LRFN5: variants seen among roughly 807,000 people sequenced by gnomAD.
The protein encoded by LRFN5 is leucine rich repeat and fibronectin type III domain containing 5, also known as leucine-rich repeat and fibronectin type-III domain-containing protein 5.
LRFN5 carries 24 observed loss-of-function variants against 45.6 expected under a neutral mutation model. That is an observed-to-expected ratio of 0.53 (90% CI 0.38 to 0.74). The LOEUF is 0.74. LRFN5 is among the 30% of genes least tolerant of loss of function. The pLI, the probability that LRFN5 is intolerant of heterozygous loss-of-function variation, is 0.00. For missense variants in LRFN5, 776 were observed against 861.5 expected, an observed-to-expected ratio of 0.90 and a Z score of 1.24; for synonymous variants, 340 against 313.8, an observed-to-expected ratio of 1.08 and a Z score of -0.88.
chr14:41,635,940 G>T (rs2138587688), intron 1 of LRFN5, among the ~76,000 whole-genome samples: 1 of 152,234 alleles, frequency 6.6e-6, no homozygotes, highest in African/African-American at 2.4e-5. Context: ...TGGTATCCCA[G>T]CAGAGCAGTC....
rs148679546 is a variant in LRFN5, at chr14:41,891,723, A to G, written c.1859A>G (p.Gln620Arg). 4 of 1,614,086 alleles carry G rather than the reference A, an allele frequency of 2.5e-6. No homozygotes were observed. The highest frequency in any genetic ancestry group is 2.7e-5 in the African/African-American group (2 of 74,934). ...VIQSSETCSS[Q>R]DSSTTTSALP... ...CAATCTTCAGAAACTTGTTCGAGTC[A>G]GGACTCCTCTACCACTACCTCTGCT... Residue 620 changes from glutamine (Q) to arginine (R), a missense_variant, in exon 4 of 6, where the codon CAG becomes CGG. Coordinates refer to ENST00000298119, the MANE Select transcript of LRFN5 (RefSeq NM_152447.5).
At chr14:41,755,519 A>G (rs1369146238) in intron 1 of LRFN5, among the ~76,000 whole-genome samples, 5 of 152,092 alleles carry the variant, frequency 3.3e-5, no homozygotes, top group Non-Finnish European at 5.9e-5. Flanking sequence ...CCATTATGTA[A>G]TGGCCTTCTT....
intron 2 of LRFN5, among the ~76,000 whole-genome samples, chr14:41,848,008 T>G (rs1358861867): frequency 6.6e-6 from 1 of 152,182 alleles, no homozygotes; most frequent in Non-Finnish European, 1.5e-5. Flanking sequence ...TTATTCAGTT[T>G]ACTTTCACTT....
chr14:41,844,030 A>G (rs1196052473), intron 2 of LRFN5, among the ~76,000 whole-genome samples: 1 of 152,250 alleles, frequency 6.6e-6, no homozygotes, highest in Non-Finnish European at 1.5e-5. Context: ...ATACTTCATA[A>G]CAGAGGAAAA....
intron 2 of LRFN5, among the ~76,000 whole-genome samples, chr14:41,795,831 C>A (rs949284605): frequency 2.6e-5 from 4 of 151,706 alleles, no homozygotes; most frequent in Non-Finnish European, 5.9e-5. Flanking sequence ...ATGTAAATGA[C>A]GAGTTAATGG....
At chr14:41,826,383 T>C (rs1888296222) in intron 2 of LRFN5, among the ~76,000 whole-genome samples, 1 of 152,230 alleles carries the variant, frequency 6.6e-6, no homozygotes, top group African/African-American at 2.4e-5. Context: ...TTTCTTATAT[T>C]TCATCCTTTC....
At chr14:41,845,835 G>A (rs1263201991) in intron 2 of LRFN5, among the ~76,000 whole-genome samples, 1 of 152,154 alleles carries the variant, frequency 6.6e-6, no homozygotes, top group Non-Finnish European at 1.5e-5. Context: ...AAAGCATTTA[G>A]TGCCTATTAT....
chr14:41,887,486 T>G lies in LRFN5; in HGVS notation c.861T>G (p.Pro287=). The change falls in exon 3 of 6, where the codon CCT becomes CCG. Residue 287 remains proline (P), a synonymous_variant. Coordinates refer to ENST00000298119, the MANE Select transcript of LRFN5 (RefSeq NM_152447.5). The surrounding 1 kb of genome is among the most constrained non-coding windows in gnomAD (Gnocchi z 4.8). ...IPEEEFLCEP[P]LITRHTHEMR... Reference sequence around the variant, plus strand: ...AAGAAGAGTTTTTGTGTGAGCCTCCTCTCATTACTCGTCATACACATGAGA... The same window carrying G: ...AAGAAGAGTTTTTGTGTGAGCCTCCGCTCATTACTCGTCATACACATGAGA... 1 of 1,614,152 alleles carries G rather than the reference T, an allele frequency of 6.2e-7. No homozygotes were observed. The highest frequency in any genetic ancestry group is 8.5e-7 in the Non-Finnish European group (1 of 1,180,026).
chr14:41,821,850 T>A (rs567904095), intron 2 of LRFN5, among the ~76,000 whole-genome samples: 1 of 151,742 alleles, frequency 6.6e-6, no homozygotes, highest in South Asian at 2.1e-4. Flanking sequence ...TCATTATTTG[T>A]CTACTCAAGT....
intron 1 of LRFN5, among the ~76,000 whole-genome samples, chr14:41,660,690 T>A (rs1256535822): frequency 6.6e-6 from 1 of 151,954 alleles, no homozygotes; most frequent in Admixed American, 6.6e-5. Context: ...AAGATACTGA[T>A]TGTTGGCCGA....
intron 2 of LRFN5, among the ~76,000 whole-genome samples, chr14:41,817,363 T>A (rs553247805): frequency 1.3e-5 from 2 of 152,110 alleles, no homozygotes; most frequent in Non-Finnish European, 2.9e-5. Flanking sequence ...CTGGACATGA[T>A]GTGCTAGGTA....
chr14:41,681,885 C>A (rs942394282), intron 1 of LRFN5, among the ~76,000 whole-genome samples: 1 of 150,252 alleles, frequency 6.7e-6, no homozygotes, highest in Non-Finnish European at 1.5e-5. Context: ...GTGGCCCGAT[C>A]TCTGCTCTCT....
intron 1 of LRFN5, among the ~76,000 whole-genome samples, chr14:41,643,918 C>G (rs1309444077): frequency 6.6e-6 from 1 of 152,150 alleles, no homozygotes; most frequent in African/African-American, 2.4e-5. Context: ...GAATTCTTTA[C>G]TAAATATGCC....
At chr14:41,674,907 C>T (rs1244266983) in intron 1 of LRFN5, among the ~76,000 whole-genome samples, 3 of 151,806 alleles carry the variant, frequency 2.0e-5, no homozygotes, top group African/African-American at 7.3e-5. Context: ...GGCAGAGACG[C>T]TCCTCACCTC....
intron 1 of LRFN5, among the ~76,000 whole-genome samples, chr14:41,679,404 T>C (rs1479469858): frequency 6.6e-6 from 1 of 152,060 alleles, no homozygotes; most frequent in African/African-American, 2.4e-5. Flanking sequence ...TCTTGAAACC[T>C]GTATACCGGC....
At chr14:41,637,820 C>T (rs971970423) in intron 1 of LRFN5, among the ~76,000 whole-genome samples, 1 of 152,072 alleles carries the variant, frequency 6.6e-6, no homozygotes, top group African/African-American at 2.4e-5. Context: ...CGAGGGAGTC[C>T]TTAGAACCTT....
At chr14:41,894,110 C>T in intron 4 of LRFN5, 1 of 983,496 alleles carries the variant, frequency 1.0e-6, no homozygotes, top group Non-Finnish European at 1.2e-6. Flanking sequence ...AAATATTGAA[C>T]ATACAAAAGC....
chr14:41,783,672 CT>C (rs1331430935), intron 2 of LRFN5, among the ~76,000 whole-genome samples: 1 of 151,910 alleles, frequency 6.6e-6, no homozygotes, highest in African/African-American at 2.4e-5. Context: ...TACAGTACCT[CT>C]TTAAGACTTC....
intron 1 of LRFN5, among the ~76,000 whole-genome samples, chr14:41,762,855 T>TG (rs1417109584): frequency 6.6e-6 from 1 of 152,158 alleles, no homozygotes; most frequent in Non-Finnish European, 1.5e-5. Flanking sequence ...GGCCAAAACA[T>TG]CTGGCTGTTT....
Sources: allele counts gnomAD v4.1 joint callset (sites outside exome capture counted in the v4.1 genomes callset), GRCh38; gene constraint gnomAD v4.1.1; non-coding constraint Gnocchi (gnomAD v3.1); transcripts MANE v1.5; gene names NCBI Gene and HGNC (gene_info 2026-07-23, HGNC 2026-07-21).